Variants in MX1 observed in about 807,000 individuals in gnomAD.
MX1 encodes the protein MX dynamin like GTPase 1.
In MX1, 66 loss-of-function variants were observed where a neutral mutation model predicts 66.4. The observed-to-expected ratio is 0.99, with a 90% CI of 0.82 to 1.22. The LOEUF (loss-of-function observed/expected upper bound fraction) is 1.22. Ranked by LOEUF, MX1 falls within the 50% of genes most tolerant of loss-of-function variation. The pLI, the probability that MX1 is intolerant of heterozygous loss-of-function variation, is 0.00. For missense variants in MX1, 787 were observed against 834.3 expected (o/e 0.94, Z 0.70); for synonymous variants, 311 against 318.1 (o/e 0.98, Z 0.24).
intron 7 of MX1, among the ~76,000 whole-genome samples, chr21:41,437,570 A>G (rs2090399738): frequency 6.6e-6 from 1 of 152,166 alleles, no homozygotes; most frequent in East Asian, 1.9e-4. Context: ...GAGCCTGGGA[A>G]GTCAAGGCTG....
At chr21:41,438,502 A>C (rs469153) in intron 7 of MX1, among the ~76,000 whole-genome samples, 56,613 of 152,078 alleles carry the variant, frequency 0.37, 12,148 homozygotes, top group Non-Finnish European at 0.5. Flanking sequence ...AGCTGGACTT[A>C]TCAATGTGGG....
rs376894745 is a variant in MX1, at chr21:41,445,530, T to C, written c.1091T>C (p.Ile364Thr). 2.8e-5 allele frequency: 46 copies of C among 1,614,078 alleles called. No individual in the cohort carries two copies. Among genetic ancestry groups the C allele is most frequent in the Middle Eastern group, 1.6e-4 (1 of 6,084 alleles). ...TEELQKYGVD[I>T]PEDENEKMFF... ...GAGCTACAAAAGTATGGTGTCGACA[T>C]ACCGGAAGACGAAAATGAAAAAATG... The change falls in exon 12 of 17, where the codon ATA becomes ACA. Residue 364 changes from isoleucine to threonine, a missense_variant. Coordinates refer to ENST00000398598, the MANE Select transcript of MX1 (RefSeq NM_002462.5).
intron 7 of MX1, 43 bp downstream of exon 7, chr21:41,437,195 T>C (rs1253282893): frequency 6.2e-7 from 1 of 1,610,606 alleles, no homozygotes; most frequent in Non-Finnish European, 8.5e-7. Context: ...CCTTCTGACA[T>C]GCATGGGGTC....
intron 4 of MX1, among the ~76,000 whole-genome samples, chr21:41,431,407 G>A (rs561767711): frequency 2.6e-5 from 4 of 151,898 alleles, no homozygotes; most frequent in Non-Finnish European, 5.9e-5. Flanking sequence ...TACTGAAAAC[G>A]TTTTTGAAGT....
At chr21:41,450,820 A>G (rs1484724247) in intron 14 of MX1, 1 of 152,378 alleles carries the variant, frequency 6.6e-6, no homozygotes, top group Non-Finnish European at 1.5e-5. Context: ...GATAATGTAG[A>G]CACTCAAATT....
At chr21:41,452,097 G>A (rs952080553) in intron 15 of MX1, among the ~76,000 whole-genome samples, 3 of 152,118 alleles carry the variant, frequency 2.0e-5, no homozygotes, top group Non-Finnish European at 2.9e-5. Context: ...TGAGATGGAC[G>A]TGGAGTAAGA....
In MX1 at chr21:41,441,735, T is replaced by G. The variant is rs752198200; in HGVS notation, c.750T>G (p.Asp250Glu). ...DRTIGILTKPDLVDKGTEDKV... is the reference protein window; with the variant it reads ...DRTIGILTKPELVDKGTEDKV... ...TCGCAGGAATCTTGACGAAGCCTGA[T>G]CTGGTGGACAAAGGAACTGAAGACA... The change falls in exon 10 of 17, where the codon GAT (aspartate) becomes GAG (glutamate). Residue 250 changes from aspartate (D) to glutamate (E), a missense_variant. Physicochemically the swap from Asp to Glu is conservative, Grantham distance 45 (BLOSUM62 2). Coordinates refer to ENST00000398598, the MANE Select transcript of MX1 (RefSeq NM_002462.5). The surrounding 1 kb of genome is among the most constrained non-coding windows in gnomAD (Gnocchi z 4.0). 1.9e-5 allele frequency: 31 copies of G among 1,614,024 alleles called. No homozygotes were observed. Among genetic ancestry groups the G allele is most frequent in the Non-Finnish European group, 6.8e-6 (8 of 1,180,026 alleles).
chr21:41,432,092 A>G lies in MX1; in HGVS notation c.22A>G (p.Ile8Val), dbSNP rs147615997. 7.5e-5 allele frequency: 121 copies of G among 1,614,208 alleles called. 1 individual carries two copies. The highest frequency in any genetic ancestry group is 9.7e-5 in the Non-Finnish European group (114 of 1,180,042). Reference protein sequence around the residue: MVVSEVDIAKADPAAASH... With the variant: MVVSEVDVAKADPAAASH... ...GAAGATGGTTGTTTCCGAAGTGGACATCGCAAAAGCTGATCCAGCTGCTGC... is the reference window on the plus strand; with the variant it reads ...GAAGATGGTTGTTTCCGAAGTGGACGTCGCAAAAGCTGATCCAGCTGCTGC... Residue 8 changes from isoleucine (I) to valine (V), a missense_variant, in exon 5 of 17, where the codon ATC becomes GTC. Ile to Val is a conservative substitution (Grantham distance 29). Coordinates refer to ENST00000398598, the MANE Select transcript of MX1 (RefSeq NM_002462.5).
chr21:41,457,545 T>G (rs1226607542), intron 16 of MX1, among the ~76,000 whole-genome samples: 3 of 152,182 alleles, frequency 2.0e-5, no homozygotes, highest in Non-Finnish European at 2.9e-5. Flanking sequence ...GGAAGGGTCG[T>G]CTAGTTCCCA....
chr21:41,433,044 C>T (rs1228525269), intron 5 of MX1, among the ~76,000 whole-genome samples: 1 of 152,204 alleles, frequency 6.6e-6, no homozygotes, highest in East Asian at 1.9e-4. Context: ...CTCACCCACT[C>T]ATACTTGCGT....
Position 41,443,692 on chromosome 21 carries a change from A to T in MX1, c.930-96A>T, listed in dbSNP as rs1009964112. 3.8e-6 allele frequency: 4 copies of T among 1,057,346 alleles called. No homozygotes were observed. In the African/African-American group the frequency reaches 6.2e-5, roughly 17 times the overall value. The allele number at this position is 1,057,346 out of a possible 1,614,324, so 65.5% of individuals were successfully genotyped here. On this transcript the variant is annotated intron_variant, in intron 10 of 16. Transcript: ENST00000398598. ...CAAGACATTCCATCCAGTTGTAAGC[A>T]ACTGAAATTTGCCTTGACTTTCCCC...
At chr21:41,458,409 T>G in intron 16 of MX1, 119 bp from the exon 17 acceptor site, 1 of 1,219,374 alleles carries the variant, frequency 8.2e-7, no homozygotes, top group Admixed American at 2.0e-5. Flanking sequence ...GGAAGGTCAT[T>G]GCCCTGCGAG....
chr21:41,436,294 G>C (rs1416494253), intron 6 of MX1, among the ~76,000 whole-genome samples: 1 of 152,170 alleles, frequency 6.6e-6, no homozygotes, highest in Non-Finnish European at 1.5e-5. Context: ...TATTGGATTG[G>C]GGCCTACCCT....
At chr21:41,421,452 C>T (rs2089992871), upstream of MX1, 1 of 154,938 alleles carries the variant, frequency 6.5e-6, no homozygotes, top group Non-Finnish European at 1.4e-5. Flanking sequence ...CAGGTCTTTC[C>T]CTTCCCACGA....
At chr21:41,452,211 A>G (rs2090850025) in intron 15 of MX1, among the ~76,000 whole-genome samples, 1 of 152,144 alleles carries the variant, frequency 6.6e-6, no homozygotes, top group Non-Finnish European at 1.5e-5. Flanking sequence ...AGTTTCTCTA[A>G]ACCCCGGGAA....
intron 10 of MX1, 74 bp from the exon 11 acceptor site, chr21:41,443,714 C>A: frequency 6.9e-7 from 1 of 1,458,756 alleles, no homozygotes. Flanking sequence ...CCTTGACTTT[C>A]CCCAACAGCA....
rs563686060 is a variant in MX1, at chr21:41,452,349, C to T, written c.1510-272C>T. On this transcript the variant is annotated intron_variant, in intron 15 of 16. Transcript: ENST00000398598. The stretch of plus-strand genomic sequence containing the variant: ...AAGAGAAAGGAAAGAAGCTGAGTTA[C>T]GGGGCCTGAAAGCAAGCCTGTGCAG... Among the ~76,000 whole-genome samples the T allele has an allele frequency of 1.6e-4, 24 of 152,324 alleles. No individual in the cohort carries two copies. In the East Asian group the frequency reaches 3.7e-3, roughly 23 times the overall value.
chr21:41,422,484 G>A (rs2090003663), upstream of MX1, among the ~76,000 whole-genome samples: 1 of 152,166 alleles, frequency 6.6e-6, no homozygotes, highest in African/African-American at 2.4e-5. Context: ...TGAGCCTGTG[G>A]ACAGAGGGCA....
upstream of MX1, among the ~76,000 whole-genome samples, chr21:41,424,854 T>C (rs1288497977): frequency 1.3e-5 from 2 of 152,224 alleles, no homozygotes; most frequent in African/African-American, 4.8e-5. Context: ...AGCAGCTAGC[T>C]TATATGTCGT....
Sources: gnomAD v4.1 joint callset for allele counts (sites outside exome capture counted in the v4.1 genomes callset) on GRCh38, gnomAD v4.1.1 for gene constraint, Gnocchi (gnomAD v3.1) non-coding constraint, MANE v1.5 for transcripts, NCBI Gene and HGNC (gene_info 2026-07-23, HGNC 2026-07-21) for gene names.